EPHB4: variants seen among roughly 807,000 people sequenced by gnomAD.
EPHB4 encodes ephrin type-B receptor 4.
EPHB4 carries 50 observed loss-of-function variants against 110.6 expected under a neutral mutation model. The observed-to-expected ratio is 0.45, with a 90% confidence interval of 0.36 to 0.57. EPHB4 has a LOEUF of 0.57. Ranked by LOEUF, EPHB4 falls within the 20% of genes least tolerant of loss-of-function variation. The pLI is 0.00. For synonymous variants in EPHB4, 592 were observed against 578.4 expected, an observed-to-expected ratio of 1.02 and a Z score of -0.34; for missense variants, 1,128 against 1,382.1, an observed-to-expected ratio of 0.82 and a Z score of 2.91.
At chr7:100,810,856 C>T (rs1044030483) in intron 12 of EPHB4, among the ~76,000 whole-genome samples, 9 of 152,248 alleles carry the variant, frequency 5.9e-5, no homozygotes, top group East Asian at 3.9e-4. Context: ...ACTAGAGAAA[C>T]GTGAAAATCA....
chr7:100,822,720 G>T lies in EPHB4; in HGVS notation c.412-53C>A. On this transcript the variant is annotated intron_variant, in intron 3 of 16. Coordinates refer to ENST00000358173, the MANE Select transcript of EPHB4 (RefSeq NM_004444.5). The surrounding 1 kb of genome is among the most constrained non-coding windows in gnomAD (Gnocchi z 4.7). ...GCTGTCCCCACTCCCTGAGGACCCA[G>T]CGGACTGTTGTGTTCTTCCCAGCTC... The T allele has an allele frequency of 1.4e-6, 2 of 1,463,224 alleles. No individual in the cohort carries two copies. Among genetic ancestry groups the T allele is most frequent in the Non-Finnish European group, 1.8e-6 (2 of 1,105,020 alleles). The allele number at this position is 1,463,224 out of a possible 1,614,324, so 90.6% of individuals were successfully genotyped here. A position where few individuals can be genotyped will look rare whatever the true frequency, so the allele number is the denominator to read the frequency against.
In EPHB4 at chr7:100,805,616, C is replaced by A; in HGVS notation, c.2563G>T (p.Asp855Tyr). Residue 855 changes from aspartate (D) to tyrosine (Y), a missense_variant, in exon 15 of 17, where the codon GAC becomes TAC. By Grantham distance (160) the Asp-to-Tyr change is radical. Transcript: ENST00000358173. Reference protein sequence around the residue: ...CPTSLHQLMLDCWQKDRNARP... With the variant: ...CPTSLHQLMLYCWQKDRNARP... ...GCATTCCGGTCTTTCTGCCAACAGT[C>A]CAGCATGAGCTGGTGGAGGGAGGTG... The A allele has an allele frequency of 6.4e-7, 1 of 1,562,328 alleles. No homozygotes were observed. The highest frequency in any genetic ancestry group is 8.7e-7 in the Non-Finnish European group (1 of 1,155,554).
At chr7:100,805,780 T>C (rs1238962640) in intron 14 of EPHB4, 86 bp from the exon 15 acceptor site, 3 of 1,310,478 alleles carry the variant, frequency 2.3e-6, no homozygotes, top group East Asian at 5.5e-5. Flanking sequence ...ACTTGGAAGA[T>C]GGTAGGATAG....
rs764827256 is a variant in EPHB4 at position 100,805,667 on chromosome 7, G to A, written c.2512C>T (p.Arg838Trp). Residue 838 changes from arginine (R) to tryptophan (W), a missense_variant, in exon 15 of 17, where the codon CGG becomes TGG. Physicochemically the swap from Arg to Trp is moderately radical, Grantham distance 101. Around this residue, in one of 3 missense-constraint regions of EPHB4, gnomAD observed 209 missense variants for 240.5 expected, o/e 0.87. Transcript: ENST00000358173. ...GGACAGTCTGGGGGCGGGGGCAGCCGGTAGTCCTGTTCAATGGCATTGATC... is the reference window on the plus strand; with the variant it reads ...GGACAGTCTGGGGGCGGGGGCAGCCAGTAGTCCTGTTCAATGGCATTGATC... ...DVINAIEQDY[R>W]LPPPPDCPTS... The A allele has an allele frequency of 3.3e-6, 5 of 1,526,982 alleles. No individual in the cohort carries two copies. Among genetic ancestry groups the A allele is most frequent in the East Asian group, 2.3e-5 (1 of 42,836 alleles). The allele number at this position is 1,526,982 out of a possible 1,614,324, so 94.6% of individuals were successfully genotyped here.
intron 12 of EPHB4, among the ~76,000 whole-genome samples, chr7:100,812,461 T>C (rs1032864788): frequency 6.6e-6 from 1 of 152,024 alleles, no homozygotes; most frequent in Admixed American, 6.6e-5. Flanking sequence ...TGGTGGTGCA[T>C]GCCTATAGTA....
At chr7:100,807,254 T>C in intron 13 of EPHB4, 111 bp downstream of exon 13, 1 of 1,125,920 alleles carries the variant, frequency 8.9e-7, no homozygotes, top group Non-Finnish European at 1.3e-6. Flanking sequence ...AGCCTGCTCC[T>C]GTATCCTCTC....
chr7:100,818,579 C>T lies in EPHB4; in HGVS notation c.1363G>A (p.Ala455Thr), dbSNP rs950104734. The T allele has an allele frequency of 1.2e-6, 2 of 1,613,870 alleles. No individual in the cohort carries two copies. The highest frequency in any genetic ancestry group is 1.7e-5 in the Admixed American group (1 of 60,010). Reference protein sequence around the residue: ...SSPSSLSLAWAVPRAPSGAVL... With the variant: ...SSPSSLSLAWTVPRAPSGAVL... ...GCCCCACTGGGTGCCCGGGGAACAG[C>T]CCAGGCCAGGCTCAAGCTGCTGGGT... The change falls in exon 7 of 17, where the codon GCT (alanine) becomes ACT (threonine). Residue 455 changes from alanine (A) to threonine (T), a missense_variant. Coordinates refer to ENST00000358173, the MANE Select transcript of EPHB4 (RefSeq NM_004444.5).
chr7:100,806,406 C>T lies in EPHB4; in HGVS notation c.2484+14G>A. On this transcript the variant is annotated intron_variant, in intron 14 of 16. Coordinates refer to ENST00000358173, the MANE Select transcript of EPHB4 (RefSeq NM_004444.5). Reference sequence around the variant, plus strand: ...ACACTCGAGGAAAGCTTGGTAGGACCACGGGACACTTACGTCCTGATTGCT... The same window carrying T: ...ACACTCGAGGAAAGCTTGGTAGGACTACGGGACACTTACGTCCTGATTGCT... 6.2e-7 allele frequency: 1 copy of T among 1,608,182 alleles called. No individual in the cohort carries two copies. Among genetic ancestry groups the T allele is most frequent in the Non-Finnish European group, 8.5e-7 (1 of 1,176,618 alleles).
In EPHB4 at chr7:100,806,378, A is replaced by G. The variant is rs369337751; in HGVS notation, c.2484+42T>C. ...CCCTTCACCCCAAATCCCAGGTGAG[A>G]GAACACTCGAGGAAAGCTTGGTAGG... On this transcript the variant is annotated intron_variant, in intron 14 of 16. Transcript: ENST00000358173. 16 of 1,581,184 alleles carry G rather than the reference A, an allele frequency of 1.0e-5. No homozygotes were observed. The African/African-American group carries it at 2.2e-4, about 21-fold the overall frequency.
chr7:100,806,258 C>T (rs1584653521), intron 14 of EPHB4, 162 bp downstream of exon 14: 1 of 885,456 alleles, frequency 1.1e-6, no homozygotes, highest in Non-Finnish European at 1.6e-6. Flanking sequence ...CTAGGCCTGG[C>T]CCTGTATCTC....
In EPHB4 at chr7:100,805,655, GC is replaced by G; in HGVS notation, c.2523del (p.Pro843GlnfsTer35). On this transcript the variant is annotated frameshift_variant, in exon 15 of 17. Coordinates refer to ENST00000358173, the MANE Select transcript of EPHB4 (RefSeq NM_004444.5). LOFTEE classifies it high-confidence loss of function. ...NAIEQDYRLP[P>X]PPDCPTSLHQ... ...TGGAGGGAGGTGGGACAGTCTGGGG[GC>G]GGGGGCAGCCGGTAGTCCTGTTCAA... 6.5e-7 allele frequency: 1 copy of G among 1,539,604 alleles called. No individual in the cohort carries two copies. Among genetic ancestry groups the G allele is most frequent in the Non-Finnish European group, 8.7e-7 (1 of 1,145,594 alleles).
In EPHB4 at chr7:100,824,410, C is replaced by T. The variant is rs1813320376; in HGVS notation, c.53-137G>A. The T allele has an allele frequency of 6.9e-6, 6 of 863,824 alleles. No individual in the cohort carries two copies. In the African/African-American group the frequency reaches 8.3e-5, roughly 12 times the overall value. The allele number at this position is 863,824 out of a possible 1,614,324, so 53.5% of individuals were successfully genotyped here. On this transcript the variant is annotated intron_variant, in intron 1 of 16. Transcript: ENST00000358173. ...GTTGGGGGGCCAAGAGGGGAGCAAGCCCTGCCCTCTGCACCCGCCTGATTT... is the reference window on the plus strand; with the variant it reads ...GTTGGGGGGCCAAGAGGGGAGCAAGTCCTGCCCTCTGCACCCGCCTGATTT...
intron 8 of EPHB4, 61 bp downstream of exon 8, chr7:100,817,131 T>A: frequency 8.2e-7 from 1 of 1,220,140 alleles, no homozygotes; most frequent in Non-Finnish European, 1.1e-6. Context: ...AGACCTGGGG[T>A]CTTCCCAGGA....
intron 8 of EPHB4, among the ~76,000 whole-genome samples, chr7:100,815,165 CAAAAAAAA>C (rs2116438286): frequency 1.3e-5 from 2 of 150,820 alleles, no homozygotes; most frequent in South Asian, 4.2e-4. Flanking sequence ...CAAAAAATAC[CAAAAAAAA>C]TTAGCTGGGC....
In EPHB4 at chr7:100,803,290, CCCT is replaced by C. The variant is rs1812737661; in HGVS notation, c.*168_*170del. On this transcript the variant is annotated 3_prime_UTR_variant, in exon 17 of 17. Coordinates refer to ENST00000358173, the MANE Select transcript of EPHB4 (RefSeq NM_004444.5). Reference sequence around the variant, plus strand: ...CCGAGGTGGCTGGGGGGTGATTTTCCCCTCCTATTATGGCAGAACCCCCAAATC... The same window carrying C: ...CCGAGGTGGCTGGGGGGTGATTTTCCCCTATTATGGCAGAACCCCCAAATC... 2 of 799,378 alleles carry C rather than the reference CCCT, an allele frequency of 2.5e-6. No individual in the cohort carries two copies. The highest frequency in any genetic ancestry group is 3.5e-6 in the Non-Finnish European group (2 of 567,956). The allele number at this position is 799,378 out of a possible 1,614,324, so 49.5% of individuals were successfully genotyped here.
chr7:100,813,414 A>C (rs1584658614), intron 10 of EPHB4: 1 of 631,466 alleles, frequency 1.6e-6, no homozygotes, highest in East Asian at 3.1e-5. Flanking sequence ...CTCCCGGGTT[A>C]AAATGATTCT....
chr7:100,805,854 G>A, intron 14 of EPHB4, 160 bp from the exon 15 acceptor site: 2 of 632,150 alleles, frequency 3.2e-6, no homozygotes, highest in Non-Finnish European at 2.4e-6. Flanking sequence ...GAAGCTCTCT[G>A]TGGCTGAAGG....
chr7:100,813,643 G>C lies in EPHB4; in HGVS notation c.1756+9C>G. ...AAGCCCCTATTCCCATCAAATTAGG[G>C]CAACCCACCATGTCCGATGAGATAC... On this transcript the variant is annotated intron_variant, in intron 10 of 16. Transcript: ENST00000358173. The C allele has an allele frequency of 1.2e-6, 2 of 1,613,848 alleles. No homozygotes were observed. The highest frequency in any genetic ancestry group is 1.7e-6 in the Non-Finnish European group (2 of 1,179,966).
At chr7:100,812,086 C>T (rs1321535842) in intron 12 of EPHB4, among the ~76,000 whole-genome samples, 3 of 151,862 alleles carry the variant, frequency 2.0e-5, no homozygotes, top group East Asian at 1.9e-4. Flanking sequence ...GCAGGAGAAT[C>T]GCTTGAACCT....
Sources: allele counts gnomAD v4.1 joint callset (sites outside exome capture counted in the v4.1 genomes callset), GRCh38; gene constraint gnomAD v4.1.1; regional missense constraint gnomAD v4.1.1; non-coding constraint Gnocchi (gnomAD v3.1); transcripts MANE v1.5; gene names NCBI Gene and HGNC (gene_info 2026-07-23, HGNC 2026-07-21).